The following AP1AR variants were observed in gnomAD, a reference collection of about 807,000 sequenced individuals.
AP1AR encodes the protein adaptor related protein complex 1 associated regulatory protein, also known as AP-1 complex-associated regulatory protein.
In AP1AR, 29 loss-of-function variants were observed where a neutral mutation model predicts 46.3. That is an observed-to-expected ratio of 0.63 (90% CI 0.47 to 0.85). The LOEUF (loss-of-function observed/expected upper bound fraction) is 0.85. Among genes scored for constraint, AP1AR ranks in the 40% least tolerant of loss-of-function variants. The pLI is 0.00. For missense variants in AP1AR, 357 were observed against 356.3 expected (o/e 1.00, Z -0.02); for synonymous variants, 122 against 122.9 (o/e 0.99, Z 0.05).
In AP1AR at chr4:112,268,681, TTC is replaced by T. The variant is rs1726817866; in HGVS notation, c.*274_*275del. The T allele has an allele frequency of 3.6e-6, 1 of 277,040 alleles. No homozygotes were observed. Among genetic ancestry groups the T allele is most frequent in the African/African-American group, 2.2e-5 (1 of 45,742 alleles). 17.2% of individuals were successfully genotyped at this position (277,040 alleles called of 1,614,324 possible). On this transcript the variant is annotated 3_prime_UTR_variant, in exon 10 of 10. Coordinates refer to ENST00000274000, the MANE Select transcript of AP1AR (RefSeq NM_018569.6). ...TTACTTTGTCTTGTCTTTATAGCAT[TTC>T]TGTTTACTATGGTAGATTTCCACTT...
intron 1 of AP1AR, 64 bp from the exon 2 acceptor site, chr4:112,253,144 C>T (rs1449348481): frequency 8.3e-7 from 1 of 1,210,296 alleles, no homozygotes; most frequent in Non-Finnish European, 1.2e-6. Context: ...TGTTTTTATG[C>T]TATATATTAA....
At chr4:112,265,855 G>A in intron 8 of AP1AR, 48 bp downstream of exon 8, 1 of 1,169,576 alleles carries the variant, frequency 8.6e-7, no homozygotes, top group South Asian at 1.4e-5. Flanking sequence ...ACAGTAAACA[G>A]ATAAGTAGAG....
chr4:112,265,892 C>T (rs992036406), intron 8 of AP1AR, 85 bp downstream of exon 8: 1 of 813,398 alleles, frequency 1.2e-6, no homozygotes, highest in Non-Finnish European at 1.9e-6. Context: ...TGTAGAAGAA[C>T]TTTCTGTTCT....
At position 112,257,786 on chromosome 4, in the gene AP1AR, A is replaced by G. The variant is rs1256260770; in HGVS notation, c.174A>G (p.Gly58=). 4 of 1,567,530 alleles carry G rather than the reference A, an allele frequency of 2.6e-6. No homozygotes were observed. The highest frequency in any genetic ancestry group is 3.4e-6 in the Non-Finnish European group (4 of 1,161,040). The stretch of plus-strand genomic sequence containing the variant: ...TTTTTGTACAGGGGGAGAGCCCAGG[A>G]AGCAGTCATAGGTAAGGCTTTGTTA... ...LVESDEGESP[G]SSHRPLTEEE... is the part of the protein sequence containing the mutation. The change falls in exon 4 of 10, where the codon GGA becomes GGG. Residue 58 remains glycine, a synonymous_variant. Transcript: ENST00000274000.
At chr4:112,253,296 A>G (rs1438318151) in intron 2 of AP1AR, 40 bp downstream of exon 2, 4 of 1,507,040 alleles carry the variant, frequency 2.7e-6, no homozygotes, top group Non-Finnish European at 3.7e-6. Flanking sequence ...AAATGCCTTC[A>G]GAAAGGCGGA....
At position 112,232,006 on chromosome 4, in the gene AP1AR, C is replaced by A; in HGVS notation, c.-86C>A. The A allele has an allele frequency of 1.6e-6, 2 of 1,232,674 alleles. No homozygotes were observed. Among genetic ancestry groups the A allele is most frequent in the Non-Finnish European group, 2.1e-6 (2 of 957,778 alleles). The allele number at this position is 1,232,674 out of a possible 1,614,324, so 76.4% of individuals were successfully genotyped here. ...TCGGTCCTTGAACCCCATTTCGGCTCGTGCCGTGCGGATGCAGCTGCCGGG... is the reference window on the plus strand; with the variant it reads ...TCGGTCCTTGAACCCCATTTCGGCTAGTGCCGTGCGGATGCAGCTGCCGGG... On this transcript the variant is annotated 5_prime_UTR_variant, in exon 1 of 10. Coordinates refer to ENST00000274000, the MANE Select transcript of AP1AR (RefSeq NM_018569.6).
In AP1AR at chr4:112,269,514, T is replaced by C. The variant is rs949924298; in HGVS notation, c.*1105T>C. On this transcript the variant is annotated 3_prime_UTR_variant, in exon 10 of 10. Transcript: ENST00000274000. ...CCATAATTGCTTTCCTTGATTTTGC[T>C]GAGGATTTGGTATGATTTTAGTAAG... 5 of 152,626 alleles carry C rather than the reference T, an allele frequency of 3.3e-5. No homozygotes were observed. The highest frequency in any genetic ancestry group is 1.9e-4 in the East Asian group (1 of 5,188). The allele number at this position is 152,626 out of a possible 1,614,324, so 9.5% of individuals were successfully genotyped here.
At chr4:112,254,573 T>C (rs1461270191) in intron 2 of AP1AR, among the ~76,000 whole-genome samples, 174 bp from the exon 3 acceptor site, 1 of 152,206 alleles carries the variant, frequency 6.6e-6, no homozygotes, top group African/African-American at 2.4e-5. Context: ...CTTGGCCATT[T>C]TGTAGGACTG....
intron 1 of AP1AR, among the ~76,000 whole-genome samples, chr4:112,246,485 G>A (rs1305847543): frequency 2.6e-5 from 4 of 152,304 alleles, no homozygotes; most frequent in East Asian, 1.9e-4. Flanking sequence ...CAGCCTGGGC[G>A]ACAGAGTGAG....
intron 1 of AP1AR, among the ~76,000 whole-genome samples, chr4:112,235,636 G>A (rs1231219280): frequency 1.3e-5 from 2 of 152,058 alleles, no homozygotes; most frequent in Non-Finnish European, 2.9e-5. Context: ...TATATTATAG[G>A]TTGAAAACTG....
At chr4:112,251,510 GTAT>G (rs1725962020) in intron 1 of AP1AR, among the ~76,000 whole-genome samples, 1 of 152,200 alleles carries the variant, frequency 6.6e-6, no homozygotes, top group African/African-American at 2.4e-5. Flanking sequence ...CCTATTGATA[GTAT>G]TACTGGGCTT....
Position 112,232,100 on chromosome 4 carries a change from C to A in AP1AR, c.9C>A (p.Asn3Lys), listed in dbSNP as rs200131850. 4 of 1,345,672 alleles carry A rather than the reference C, an allele frequency of 3.0e-6. No individual in the cohort carries two copies. Among genetic ancestry groups the A allele is most frequent in the East Asian group, 3.1e-5 (1 of 32,666 alleles). The allele number at this position is 1,345,672 out of a possible 1,614,324, so 83.4% of individuals were successfully genotyped here. A position where few individuals can be genotyped will look rare whatever the true frequency, so the allele number is the denominator to read the frequency against. Reference sequence around the variant, plus strand: ...CGCCTGGGCGGCATGCGATGGGGAACTGCTGCTGGACGCAGTGCTTCGGAC... The same window carrying A: ...CGCCTGGGCGGCATGCGATGGGGAAATGCTGCTGGACGCAGTGCTTCGGAC... MG[N>K]CCWTQCFGLL... The change falls in exon 1 of 10, where the codon AAC becomes AAA. Residue 3 changes from asparagine to lysine, a missense_variant. Asn to Lys is a moderately conservative substitution (Grantham distance 94). This residue lies in a region of AP1AR where 269 missense variants were observed against 223.6 expected (regional missense o/e 1.20). Coordinates refer to ENST00000274000, the MANE Select transcript of AP1AR (RefSeq NM_018569.6).
intron 2 of AP1AR, among the ~76,000 whole-genome samples, chr4:112,254,033 C>A (rs1453929773): frequency 6.6e-6 from 1 of 151,934 alleles, no homozygotes; most frequent in South Asian, 2.1e-4. Context: ...TTTTCTAAAC[C>A]TTTTGAATTC....
chr4:112,266,768 A>G, intron 9 of AP1AR, 52 bp downstream of exon 9: 1 of 1,513,100 alleles, frequency 6.6e-7, no homozygotes, highest in African/African-American at 1.4e-5. Flanking sequence ...ATCTGTGTTG[A>G]TTTATGTAAA....
At chr4:112,259,585 G>A (rs1726352096) in intron 4 of AP1AR, among the ~76,000 whole-genome samples, 1 of 152,210 alleles carries the variant, frequency 6.6e-6, no homozygotes, top group Non-Finnish European at 1.5e-5. Flanking sequence ...AGAGGGAGCA[G>A]TAGCTTGAGA....
At position 112,232,122 on chromosome 4, in the gene AP1AR, G is replaced by A; in HGVS notation, c.31G>A (p.Gly11Arg). 3 of 1,300,418 alleles carry A rather than the reference G, an allele frequency of 2.3e-6. No individual in the cohort carries two copies. The highest frequency in any genetic ancestry group is 3.1e-5 in the East Asian group (1 of 32,286). 80.6% of individuals were successfully genotyped at this position (1,300,418 alleles called of 1,614,324 possible). The change falls in exon 1 of 10, where the codon GGA becomes AGA. Residue 11 changes from glycine (G) to arginine (R), a missense_variant. Around this residue, in one of 2 missense-constraint regions of AP1AR, gnomAD observed 269 missense variants for 223.6 expected, o/e 1.20. Coordinates refer to ENST00000274000, the MANE Select transcript of AP1AR (RefSeq NM_018569.6). Reference protein sequence around the residue: MGNCCWTQCFGLLRKEAGRLQ... With the variant: MGNCCWTQCFRLLRKEAGRLQ... ...GAACTGCTGCTGGACGCAGTGCTTC[G>A]GACTGCTTCGCAAGGAAGCGGGGCG...
intron 1 of AP1AR, among the ~76,000 whole-genome samples, chr4:112,246,120 A>G (rs914954710): frequency 1.3e-5 from 2 of 152,180 alleles, no homozygotes; most frequent in Non-Finnish European, 2.9e-5. Context: ...ACCAGCACCT[A>G]TATAATAATG....
chr4:112,232,782 A>C (rs1725072517), intron 1 of AP1AR, among the ~76,000 whole-genome samples: 1 of 152,128 alleles, frequency 6.6e-6, no homozygotes, highest in Admixed American at 6.5e-5. Context: ...ATTTTTTCGT[A>C]TTAAGTTTTT....
Position 112,270,615 on chromosome 4 carries a change from G to A in AP1AR, c.*2206G>A, listed in dbSNP as rs539232365. Among the ~76,000 whole-genome samples the A allele has an allele frequency of 3.9e-5, 6 of 152,302 alleles. No homozygotes were observed. The South Asian group carries it at 1.2e-3, about 32-fold the overall frequency. On this transcript the variant is annotated 3_prime_UTR_variant, in exon 10 of 10. Transcript: ENST00000274000. ...GCAGGAAACAGTCAAGTAAAACCTGGTATGAAGCATGTTATAAGCAAAGGG... is the reference window on the plus strand; with the variant it reads ...GCAGGAAACAGTCAAGTAAAACCTGATATGAAGCATGTTATAAGCAAAGGG...
Sources: allele counts gnomAD v4.1 joint callset (sites outside exome capture counted in the v4.1 genomes callset), GRCh38; gene constraint gnomAD v4.1.1; regional missense constraint gnomAD v4.1.1; transcripts MANE v1.5; gene names NCBI Gene and HGNC (gene_info 2026-07-23, HGNC 2026-07-21).